The following ZFR2 variants were observed in gnomAD, a reference collection of about 807,000 sequenced individuals.
The protein encoded by ZFR2 is zinc finger RNA binding protein 2, also known as zinc finger RNA-binding protein 2.
Under a neutral mutation model 105.7 loss-of-function variants are expected in ZFR2, and 104 were observed. That is an observed-to-expected ratio of 0.98 (90% CI 0.84 to 1.16). The LOEUF (loss-of-function observed/expected upper bound fraction) is 1.16. ZFR2 is among the 50% of genes most tolerant of loss of function. ZFR2 has a pLI of 0.00. For missense variants in ZFR2, 1,425 were observed against 1,355.5 expected (o/e 1.05, Z -0.80); for synonymous variants, 634 against 597.7 (o/e 1.06, Z -0.89).
intron 13 of ZFR2, 23 bp downstream of exon 13, chr19:3,816,651 G>C (rs548869624): frequency 6.3e-7 from 1 of 1,583,528 alleles, no homozygotes; most frequent in South Asian, 1.1e-5. Flanking sequence ...CAGAAGCAGC[G>C]ATGAGCAGGG....
chr19:3,817,813 T>C (rs1041225852), intron 12 of ZFR2, among the ~76,000 whole-genome samples: 20 of 150,310 alleles, frequency 1.3e-4, no homozygotes, highest in Non-Finnish European at 2.4e-4. Context: ...CTCCTTGTAT[T>C]GGGACACTTT....
rs893073345 is a variant in ZFR2 at position 3,812,143 on chromosome 19, C to T, written c.2243-777G>A. Among the ~76,000 whole-genome samples the T allele has an allele frequency of 5.9e-5, 9 of 152,102 alleles. No individual in the cohort carries two copies. In the East Asian group the frequency reaches 7.7e-4, roughly 13 times the overall value. On this transcript the variant is annotated intron_variant, in intron 14 of 18. Transcript: ENST00000262961. ...ATTTTTAGTAGAGACAGCGTTTCAC[C>T]GTGTTGGCCAGGCTGATCTCGAACC...
chr19:3,817,168 C>T (rs564176169), intron 12 of ZFR2, among the ~76,000 whole-genome samples: 7 of 152,286 alleles, frequency 4.6e-5, no homozygotes, highest in East Asian at 1.9e-4. Context: ...CCCGCGTTCA[C>T]GGACTCTGTC....
intron 15 of ZFR2, 59 bp from the exon 16 acceptor site, chr19:3,810,904 G>T (rs577231395): frequency 1.3e-6 from 2 of 1,525,040 alleles, no homozygotes; most frequent in Admixed American, 2.0e-5. Flanking sequence ...ACGGCATGGC[G>T]CCGGGCTCTG....
chr19:3,854,003 A>G (rs1334714502), intron 1 of ZFR2, among the ~76,000 whole-genome samples: 1 of 151,820 alleles, frequency 6.6e-6, no homozygotes, highest in Non-Finnish European at 1.5e-5. Flanking sequence ...AGGATTGCTT[A>G]AGCCCTGGAG....
intron 1 of ZFR2, among the ~76,000 whole-genome samples, chr19:3,861,797 ATG>A (rs2038376655): frequency 1.3e-5 from 2 of 152,084 alleles, no homozygotes; most frequent in African/African-American, 4.8e-5. Context: ...GTGGTGGTGC[ATG>A]CCTGTAGTCC....
chr19:3,830,565 G>A (rs2038001067), intron 5 of ZFR2, among the ~76,000 whole-genome samples: 1 of 152,082 alleles, frequency 6.6e-6, no homozygotes, highest in South Asian at 2.1e-4. Context: ...GGGCGGGAGG[G>A]GTCCTGAGCA....
At chr19:3,822,256 A>C in intron 8 of ZFR2, 56 bp from the exon 9 acceptor site, 1 of 1,537,634 alleles carries the variant, frequency 6.5e-7, no homozygotes, top group Non-Finnish European at 8.8e-7. Context: ...GGGATGTGAG[A>C]TGCTACCGCT....
chr19:3,828,041 G>A (rs891201560), intron 5 of ZFR2, among the ~76,000 whole-genome samples: 11 of 151,926 alleles, frequency 7.2e-5, no homozygotes, highest in Admixed American at 2.0e-4. Flanking sequence ...AGCTGGTCTC[G>A]AACTCCTGAC....
At position 3,823,498 on chromosome 19, in the gene ZFR2, A is replaced by C. The variant is rs2037917663; in HGVS notation, c.1214-95T>G. 7.8e-7 allele frequency: 1 copy of C among 1,288,084 alleles called. No individual in the cohort carries two copies. The highest frequency in any genetic ancestry group is 1.1e-6 in the Non-Finnish European group (1 of 947,586). The allele number at this position is 1,288,084 out of a possible 1,614,324, so 79.8% of individuals were successfully genotyped here. ...CGGCATGGGGTGGAGAGCCACCCAG[A>C]CTGCAGGCTGTGCCATCCCCCTCCC... On this transcript the variant is annotated intron_variant, in intron 7 of 18. Transcript: ENST00000262961. The surrounding 1 kb of genome is among the most constrained non-coding windows in gnomAD (Gnocchi z 5.4).
intron 18 of ZFR2, 28 bp from the exon 19 acceptor site, chr19:3,806,153 C>A (rs955938303): frequency 7.1e-7 from 1 of 1,402,844 alleles, no homozygotes; most frequent in Non-Finnish European, 9.2e-7. Context: ...CCTGTCAGGA[C>A]CCCCGCCCGC....
chr19:3,854,096 GTGCCCT>G (rs2038271287), intron 1 of ZFR2, among the ~76,000 whole-genome samples: 1 of 148,880 alleles, frequency 6.7e-6, no homozygotes, highest in Admixed American at 6.7e-5. Context: ...AAAAACCACT[GTGCCCT>G]GACACAGGCA....
At chr19:3,824,439 A>G (rs1355949474) in intron 7 of ZFR2, among the ~76,000 whole-genome samples, 11 of 152,222 alleles carry the variant, frequency 7.2e-5, no homozygotes, top group Non-Finnish European at 7.3e-5. Flanking sequence ...CTTTGCACGC[A>G]GGGAAGGTAG....
chr19:3,826,212 C>T (rs1016228236), intron 6 of ZFR2, among the ~76,000 whole-genome samples: 1 of 152,126 alleles, frequency 6.6e-6, no homozygotes, highest in African/African-American at 2.4e-5. Context: ...CCTCTTTCCC[C>T]TGTGGGTTCA....
At chr19:3,857,585 T>C (rs1309557692) in intron 1 of ZFR2, among the ~76,000 whole-genome samples, 1 of 147,862 alleles carries the variant, frequency 6.8e-6, no homozygotes, top group Admixed American at 6.8e-5. Context: ...TCCCAGCTAC[T>C]CAGGAGGCAC....
intron 1 of ZFR2, among the ~76,000 whole-genome samples, chr19:3,860,133 T>C (rs2038355421): frequency 6.6e-6 from 1 of 151,776 alleles, no homozygotes; most frequent in Admixed American, 6.6e-5. Flanking sequence ...TGGGTTCAAG[T>C]GACCCTCCCG....
rs1436063889 is a variant in ZFR2 at position 3,838,949 on chromosome 19, G to A, written c.54-3966C>T. On this transcript the variant is annotated intron_variant, in intron 1 of 18. Coordinates refer to ENST00000262961, the MANE Select transcript of ZFR2 (RefSeq NM_015174.2). The surrounding 1 kb of genome is among the most constrained non-coding windows in gnomAD (Gnocchi z 4.9). Reference sequence around the variant, plus strand: ...GCACATCTAGGGAGGTCAGGCACATGTGCTGAACGGCGCTTGTGTTGGGGA... The same window carrying A: ...GCACATCTAGGGAGGTCAGGCACATATGCTGAACGGCGCTTGTGTTGGGGA... Among the ~76,000 whole-genome samples the A allele has an allele frequency of 6.6e-6, 1 of 152,168 alleles. No individual in the cohort carries two copies. The highest frequency in any genetic ancestry group is 2.4e-5 in the African/African-American group (1 of 41,452).
chr19:3,807,247 G>C lies in ZFR2; in HGVS notation c.2568C>G (p.Pro856=), dbSNP rs751884622. The part of the protein sequence containing the change: ...LLTDGPGLQD[P]CERDQTDALE... ...GGGCATCTGTCTGGTCTCTCTCGCA[G>C]GGATCCTGGAGCCCGGGCCCGTCTT... is the stretch of plus-strand genomic sequence containing the variant. The change falls in exon 18 of 19, where the codon CCC becomes CCG. Residue 856 remains proline, a synonymous_variant. Transcript: ENST00000262961. The C allele has an allele frequency of 3.6e-5, 56 of 1,559,824 alleles. No homozygotes were observed. Among genetic ancestry groups the C allele is most frequent in the Non-Finnish European group, 2.0e-5 (23 of 1,151,224 alleles).
At chr19:3,809,678 T>G (rs1157199990) in intron 16 of ZFR2, among the ~76,000 whole-genome samples, 1 of 152,156 alleles carries the variant, frequency 6.6e-6, no homozygotes, top group Non-Finnish European at 1.5e-5. Flanking sequence ...GCGCGGTGGC[T>G]CATGCCTGTA....
Sources: gnomAD v4.1 joint callset for allele counts (sites outside exome capture counted in the v4.1 genomes callset) on GRCh38, gnomAD v4.1.1 for gene constraint, Gnocchi (gnomAD v3.1) non-coding constraint, MANE v1.5 for transcripts, NCBI Gene and HGNC (gene_info 2026-07-23, HGNC 2026-07-21) for gene names.